NBAS: variants seen among roughly 807,000 people sequenced by gnomAD.
NBAS encodes the protein NBAS subunit of NRZ tethering complex.
In NBAS, 219 loss-of-function variants were observed where a neutral mutation model predicts 302.5. That is an observed-to-expected ratio of 0.72 (90% CI 0.65 to 0.81). The LOEUF (loss-of-function observed/expected upper bound fraction) is 0.81. Ranked by LOEUF, NBAS falls within the 30% of genes least tolerant of loss-of-function variation. The pLI is 0.00. For synonymous variants in NBAS, 1,118 were observed against 1,021.6 expected (o/e 1.09, Z -1.80); for missense variants, 2,932 against 2,841.6 (o/e 1.03, Z -0.72).
At chr2:15,437,753 T>A (rs544198305) in intron 21 of NBAS, among the ~76,000 whole-genome samples, 2 of 152,240 alleles carry the variant, frequency 1.3e-5, no homozygotes, top group South Asian at 4.2e-4. Context: ...ATTGAACAAC[T>A]AAAATTTTTA....
chr2:14,916,881 A>T, the NBAS span, among the ~76,000 whole-genome samples: 4 of 151,996 alleles, frequency 2.6e-5, no homozygotes, highest in African/African-American at 7.3e-5. Context: ...CCTATTCTCA[A>T]CTCCCTGTCC....
chr2:15,057,940 A>T, the NBAS span, among the ~76,000 whole-genome samples: 1 of 152,210 alleles, frequency 6.6e-6, no homozygotes, highest in Non-Finnish European at 1.5e-5. Flanking sequence ...TTATCAAAAA[A>T]TAGTAGATGT....
intron 9 of NBAS, among the ~76,000 whole-genome samples, chr2:15,513,801 C>A (rs374733335): frequency 2.7e-5 from 4 of 149,112 alleles, no homozygotes; most frequent in Admixed American, 2.7e-4. Flanking sequence ...TCAGCCTGGG[C>A]AACATAGTGA....
At chr2:15,004,667 ATTTTTTT>A in the NBAS span, among the ~76,000 whole-genome samples, 916 of 105,448 alleles carry the variant, frequency 8.7e-3, 9 homozygotes, top group African/African-American at 0.032. Flanking sequence ...CTCCCAGCTG[ATTTTTTT>A]TTTTTTTTTT....
the NBAS span, among the ~76,000 whole-genome samples, chr2:15,047,573 G>A: frequency 6.6e-6 from 1 of 152,034 alleles, no homozygotes; most frequent in East Asian, 1.9e-4. Context: ...GCCCGTGCAA[G>A]TGAAGGCTGG....
the NBAS span, among the ~76,000 whole-genome samples, chr2:15,070,366 C>A: frequency 6.6e-6 from 1 of 152,180 alleles, no homozygotes; most frequent in Admixed American, 6.5e-5. Context: ...AATACACCCA[C>A]ATGGAGGCTG....
the NBAS span, among the ~76,000 whole-genome samples, chr2:14,788,380 G>A: frequency 6.6e-6 from 1 of 152,144 alleles, no homozygotes; most frequent in African/African-American, 2.4e-5. Context: ...GCATTCCTTT[G>A]GAGGAGGAGA....
intron 21 of NBAS, among the ~76,000 whole-genome samples, chr2:15,449,744 A>T (rs1338516939): frequency 2.0e-5 from 3 of 152,224 alleles, no homozygotes; most frequent in Non-Finnish European, 4.4e-5. Flanking sequence ...TAGCTGATAC[A>T]ACCACAAGGT....
intron 21 of NBAS, among the ~76,000 whole-genome samples, chr2:15,443,212 T>C (rs1335082212): frequency 5.9e-5 from 9 of 152,062 alleles, no homozygotes; most frequent in African/African-American, 2.2e-4. Context: ...AAAAGAATTT[T>C]AGACCAATAT....
intron 34 of NBAS, among the ~76,000 whole-genome samples, chr2:15,353,076 T>A (rs1162057585): frequency 6.6e-6 from 1 of 152,174 alleles, no homozygotes; most frequent in Admixed American, 6.5e-5. Context: ...TTTAACAGTG[T>A]TTCTCCACAG....
At chr2:14,885,444 G>A in the NBAS span, among the ~76,000 whole-genome samples, 1 of 152,140 alleles carries the variant, frequency 6.6e-6, no homozygotes, top group Non-Finnish European at 1.5e-5. Context: ...GAATGAGGGG[G>A]AGGCAGCATC....
chr2:15,465,016 C>G (rs1558364227), intron 19 of NBAS, among the ~76,000 whole-genome samples: 1 of 152,194 alleles, frequency 6.6e-6, no homozygotes, highest in Non-Finnish European at 1.5e-5. Flanking sequence ...CTTCTCTAAG[C>G]CTCAGTTTTC....
At chr2:14,788,647 A>G in the NBAS span, among the ~76,000 whole-genome samples, 1 of 152,260 alleles carries the variant, frequency 6.6e-6, no homozygotes, top group Non-Finnish European at 1.5e-5. Context: ...GAATTTCATG[A>G]ACCACAAATG....
At chr2:15,348,686 T>A (rs1180888717) in intron 35 of NBAS, among the ~76,000 whole-genome samples, 1 of 151,980 alleles carries the variant, frequency 6.6e-6, no homozygotes, top group Non-Finnish European at 1.5e-5. Flanking sequence ...GAAAATCCAC[T>A]TCCTAATTCA....
chr2:15,424,546 G>C, intron 22 of NBAS, 78 bp from the exon 23 acceptor site: 2 of 1,516,192 alleles, frequency 1.3e-6, no homozygotes, highest in Admixed American at 1.7e-5. Flanking sequence ...GAAAGACAGG[G>C]ACAGAGATGG....
the NBAS span, among the ~76,000 whole-genome samples, chr2:15,122,720 A>C: frequency 6.6e-6 from 1 of 152,230 alleles, no homozygotes; most frequent in Non-Finnish European, 1.5e-5. Context: ...ATACTGAGGA[A>C]GGGAAGCAAA....
At chr2:14,872,499 G>C in the NBAS span, among the ~76,000 whole-genome samples, 1 of 152,138 alleles carries the variant, frequency 6.6e-6, no homozygotes, top group African/African-American at 2.4e-5. Flanking sequence ...GAATTGGTGG[G>C]TTATTGATCT....
At chr2:14,890,480 A>ATAAGAATT in the NBAS span, 1 of 152,212 alleles carries the variant, frequency 6.6e-6, no homozygotes, top group South Asian at 2.1e-4. Context: ...TGTATTATCT[A>ATAAGAATT]TAAGAATTTG....
intron 42 of NBAS, among the ~76,000 whole-genome samples, chr2:15,283,317 G>A (rs984484325): frequency 3.3e-5 from 5 of 152,118 alleles, no homozygotes; most frequent in Non-Finnish European, 5.9e-5. Flanking sequence ...TAGTTTGATT[G>A]CATGCCCACC....
Sources: allele counts gnomAD v4.1 joint callset (sites outside exome capture counted in the v4.1 genomes callset), GRCh38; gene constraint gnomAD v4.1.1; transcripts MANE v1.5; gene names NCBI Gene and HGNC (gene_info 2026-07-23, HGNC 2026-07-21).